Variants in PCSK5 observed in about 807,000 individuals in gnomAD.
PCSK5 encodes the protein proprotein convertase subtilisin/kexin type 5, also known as prohormone convertase 5.
Under a neutral mutation model 233.2 loss-of-function variants are expected in PCSK5, and 129 were observed. The ratio of observed to expected loss-of-function variants is 0.55; its 90% CI spans 0.48 to 0.64. PCSK5 has a LOEUF of 0.64. PCSK5 is among the 30% of genes least tolerant of loss of function. PCSK5 has a pLI of 0.00. For synonymous variants in PCSK5, 825 were observed against 879.2 expected (o/e 0.94, Z 1.09); for missense variants, 2,076 against 2,430.1 (o/e 0.85, Z 3.06).
chr9:76,217,639 G>C (rs1392187143), intron 20 of PCSK5, among the ~76,000 whole-genome samples: 1 of 152,142 alleles, frequency 6.6e-6, no homozygotes, highest in Non-Finnish European at 1.5e-5. Flanking sequence ...CACCTCTTGG[G>C]GGAAGGCATG....
intron 9 of PCSK5, among the ~76,000 whole-genome samples, chr9:76,112,122 C>G (rs1482635424): frequency 1.3e-5 from 2 of 152,114 alleles, no homozygotes; most frequent in South Asian, 4.1e-4. Flanking sequence ...TCAAAGAAAC[C>G]TTTCTGCTTC....
At chr9:76,048,417 G>A (rs1355126739) in intron 5 of PCSK5, among the ~76,000 whole-genome samples, 1 of 152,136 alleles carries the variant, frequency 6.6e-6, no homozygotes, top group Admixed American at 6.5e-5. Flanking sequence ...GCTTAAAAAT[G>A]CAACTTCTGA....
chr9:76,109,558 TTG>T (rs1172826675), intron 9 of PCSK5, among the ~76,000 whole-genome samples: 5 of 102,504 alleles, frequency 4.9e-5, no homozygotes, highest in South Asian at 6.7e-4. Flanking sequence ...AAGACTACAA[TTG>T]TTTTTTTTTT....
In PCSK5 at chr9:76,359,128, A is replaced by G. The variant is rs930138877; in HGVS notation, c.*206A>G. On this transcript the variant is annotated 3_prime_UTR_variant, in exon 38 of 38. Transcript: ENST00000674117. ...AAACTCAATTAACAGTTCCTGTTCA[A>G]CCGTAATTGAAGAGCAAGGATAAAA... is the stretch of plus-strand genomic sequence containing the variant. 1.8e-5 allele frequency: 10 copies of G among 551,452 alleles called. No homozygotes were observed. The highest frequency in any genetic ancestry group is 4.8e-4 in the Middle Eastern group (1 of 2,086). 34.2% of individuals were successfully genotyped at this position (551,452 alleles called of 1,614,324 possible).
intron 35 of PCSK5, among the ~76,000 whole-genome samples, chr9:76,348,013 G>A (rs947567528): frequency 1.3e-4 from 20 of 152,176 alleles, no homozygotes; most frequent in African/African-American, 3.9e-4. Context: ...GCTCACACCT[G>A]TAATCCCAGC....
At chr9:75,947,539 G>C (rs1459681234) in intron 2 of PCSK5, among the ~76,000 whole-genome samples, 1 of 151,968 alleles carries the variant, frequency 6.6e-6, no homozygotes, top group Non-Finnish European at 1.5e-5. Flanking sequence ...GACTAACAGA[G>C]TAAATAGGTA....
chr9:76,298,634 C>A (rs1308040522), intron 27 of PCSK5, among the ~76,000 whole-genome samples: 1 of 120,694 alleles, frequency 8.3e-6, no homozygotes, highest in Non-Finnish European at 1.8e-5. Flanking sequence ...ACAACCTTCT[C>A]CTGACTTCTT....
intron 24 of PCSK5, among the ~76,000 whole-genome samples, chr9:76,259,906 G>A (rs934962199): frequency 2.0e-5 from 3 of 152,146 alleles, no homozygotes; most frequent in Admixed American, 2.0e-4. Context: ...GACTGGACCA[G>A]TGGCCCAAAT....
At chr9:76,006,008 A>G (rs1193192179) in intron 3 of PCSK5, among the ~76,000 whole-genome samples, 1 of 148,384 alleles carries the variant, frequency 6.7e-6, no homozygotes, top group African/African-American at 2.5e-5. Flanking sequence ...GGCTAGGAGC[A>G]CACCACCACG....
At chr9:76,267,544 T>C (rs1404447140) in intron 24 of PCSK5, among the ~76,000 whole-genome samples, 1 of 152,178 alleles carries the variant, frequency 6.6e-6, no homozygotes, top group African/African-American at 2.4e-5. Context: ...TTGTAGAGAC[T>C]GGGTATTTGG....
chr9:76,047,131 C>CCAGCAT (rs1369076322), intron 5 of PCSK5, among the ~76,000 whole-genome samples: 1 of 150,814 alleles, frequency 6.6e-6, no homozygotes, highest in East Asian at 2.0e-4. Flanking sequence ...GAGTCTTGCT[C>CCAGCAT]TGTCGCCCAT....
chr9:76,268,281 C>T (rs1403600515), intron 24 of PCSK5, among the ~76,000 whole-genome samples: 1 of 152,198 alleles, frequency 6.6e-6, no homozygotes. Context: ...CCCACCCACC[C>T]CACACATACG....
intron 5 of PCSK5, among the ~76,000 whole-genome samples, chr9:76,053,663 C>G (rs1054692836): frequency 1.8e-4 from 28 of 152,166 alleles, no homozygotes; most frequent in Admixed American, 1.6e-3. Flanking sequence ...AGTTCTTCAT[C>G]TTTATCTGAG....
intron 37 of PCSK5, among the ~76,000 whole-genome samples, chr9:76,355,243 A>C (rs1043727603): frequency 6.6e-6 from 1 of 152,146 alleles, no homozygotes; most frequent in African/African-American, 2.4e-5. Context: ...GGAGCCAAGG[A>C]GGGCGGATCA....
Position 76,123,469 on chromosome 9 carries a change from A to G in PCSK5, c.1209-10640A>G, listed in dbSNP as rs1832725678. The stretch of plus-strand genomic sequence containing the variant: ...ACCTTTGACTCCTTGCTATATAAAC[A>G]TGGCTTACATTTACTTTAATGCCCT... On this transcript the variant is annotated intron_variant, in intron 9 of 37. Coordinates refer to ENST00000674117, the MANE Select transcript of PCSK5 (RefSeq NM_001372043.1). 2.6e-5 allele frequency among the ~76,000 whole-genome samples: 4 copies of G among 152,324 alleles called. No individual in the cohort carries two copies. In the South Asian group the frequency reaches 8.3e-4, roughly 32 times the overall value.
chr9:76,041,948 C>T (rs2131533249), intron 5 of PCSK5, among the ~76,000 whole-genome samples: 1 of 152,178 alleles, frequency 6.6e-6, no homozygotes, highest in South Asian at 2.1e-4. Flanking sequence ...TTTTTACAGT[C>T]ATCTGAAAAT....
At chr9:75,982,447 A>G (rs1046181846) in intron 2 of PCSK5, among the ~76,000 whole-genome samples, 6 of 152,212 alleles carry the variant, frequency 3.9e-5, no homozygotes, top group Non-Finnish European at 5.9e-5. Context: ...ACCTTTTCCC[A>G]TGCCCCCACT....
intron 2 of PCSK5, among the ~76,000 whole-genome samples, chr9:75,960,794 A>T (rs1825318894): frequency 6.6e-6 from 1 of 152,126 alleles, no homozygotes; most frequent in African/African-American, 2.4e-5. Flanking sequence ...GCTCTGCCAT[A>T]AATTATACTC....
chr9:76,275,139 C>A (rs538575706), intron 24 of PCSK5, among the ~76,000 whole-genome samples: 17 of 152,096 alleles, frequency 1.1e-4, no homozygotes, highest in African/African-American at 3.9e-4. Flanking sequence ...TGTTTTTATA[C>A]CTATTTGAAT....
Sources: allele counts gnomAD v4.1 joint callset (sites outside exome capture counted in the v4.1 genomes callset), GRCh38; gene constraint gnomAD v4.1.1; transcripts MANE v1.5; gene names NCBI Gene and HGNC (gene_info 2026-07-23, HGNC 2026-07-21).